Variants in NUPR1 observed in about 807,000 individuals in gnomAD.
NUPR1 encodes the protein nuclear protein 1, transcriptional regulator.
Under a neutral mutation model 7.3 loss-of-function variants are expected in NUPR1, and 8 were observed. The ratio of observed to expected loss-of-function variants is 1.09; its 90% confidence interval spans 0.64 to 1.97. NUPR1 has a LOEUF of 1.97. Ranked by LOEUF, NUPR1 falls within the 30% of genes most tolerant of loss-of-function variation. The pLI, the probability that NUPR1 is intolerant of heterozygous loss-of-function variation, is 0.00. For missense variants in NUPR1, 96 were observed against 111.7 expected (o/e 0.86, Z 0.63); for synonymous variants, 39 against 44.5 (o/e 0.88, Z 0.49).
At chr16:28,537,710 T>G in intron 2 of NUPR1, 41 bp from the exon 3 acceptor site, 1 of 318,562 alleles carries the variant, frequency 3.1e-6, no homozygotes, top group Non-Finnish European at 5.9e-6. Flanking sequence ...GGGACAGAGA[T>G]CTGGGTTCTA....
chr16:28,535,584 C>CTTTCT lies in NUPR1; in HGVS notation c.*2094_*2098dup, dbSNP rs1567277552. On this transcript the variant is annotated 3_prime_UTR_variant, in exon 3 of 3. Transcript: ENST00000324873. ...CTTTCCTTCCTTCCTTTCTTTCTTT[C>CTTTCT]TTTCTTTCTTTCTTTCTTTCTTTCT... 5.6e-5 allele frequency: 2 copies of CTTTCT among 35,908 alleles called. No homozygotes were observed. Among genetic ancestry groups the CTTTCT allele is most frequent in the African/African-American group, 3.2e-4 (2 of 6,326 alleles). The allele number at this position is 35,908 out of a possible 1,614,324, so 2.2% of individuals were successfully genotyped here. A position where few individuals can be genotyped will look rare whatever the true frequency, so the allele number is the denominator to read the frequency against.
Position 28,534,360 on chromosome 16 carries a change from C to G in NUPR1, c.*3323G>C, listed in dbSNP as rs888797255. On this transcript the variant is annotated 3_prime_UTR_variant, in exon 3 of 3. Coordinates refer to ENST00000324873, the MANE Select transcript of NUPR1 (RefSeq NM_012385.3). ...AGGGTTCAAGCTGGTCGTAGTCTGACGTGCATCTGTTCCTGCTCTATCAGG... is the reference window on the plus strand; with the variant it reads ...AGGGTTCAAGCTGGTCGTAGTCTGAGGTGCATCTGTTCCTGCTCTATCAGG... The G allele has an allele frequency of 6.6e-6, 1 of 152,226 alleles. No individual in the cohort carries two copies. Among genetic ancestry groups the G allele is most frequent in the African/African-American group, 2.4e-5 (1 of 41,406 alleles). 9.4% of individuals were successfully genotyped at this position (152,226 alleles called of 1,614,324 possible). A position where few individuals can be genotyped will look rare whatever the true frequency, so the allele number is the denominator to read the frequency against.
chr16:28,537,770 C>T (rs2046634168), intron 2 of NUPR1, 101 bp from the exon 3 acceptor site: 1 of 476,376 alleles, frequency 2.1e-6, no homozygotes. Context: ...AAGGACCCAC[C>T]CTCTCTATCC....
intron 2 of NUPR1, 83 bp from the exon 3 acceptor site, chr16:28,537,752 C>G: frequency 2.3e-6 from 1 of 432,318 alleles, no homozygotes; most frequent in Non-Finnish European, 4.2e-6. Flanking sequence ...TGATTTGTGA[C>G]TCCAGGGAAG....
chr16:28,533,949 A>C lies in NUPR1; in HGVS notation c.*3734T>G, dbSNP rs1449427353. ...GGAGTTTGAGACCAGCCTGGGCAAC[A>C]TGGTGAAACCCCGTCTCTACTAAAA... On this transcript the variant is annotated 3_prime_UTR_variant, in exon 3 of 3. Transcript: ENST00000324873. 6.6e-6 allele frequency: 1 copy of C among 152,158 alleles called. No homozygotes were observed. The highest frequency in any genetic ancestry group is 6.6e-5 in the Admixed American group (1 of 15,252). 9.4% of individuals were successfully genotyped at this position (152,158 alleles called of 1,614,324 possible).
rs1487422180 is a variant in NUPR1 at position 28,535,540 on chromosome 16, T to TTTCTTTCTTTCCTTCC, written c.*2142_*2143insGGAAGGAAAGAAAGAA. 6.1e-5 allele frequency: 4 copies of TTTCTTTCTTTCCTTCC among 65,052 alleles called. No individual in the cohort carries two copies. Among genetic ancestry groups the TTTCTTTCTTTCCTTCC allele is most frequent in the East Asian group, 5.3e-4 (1 of 1,886 alleles). 4.0% of individuals were successfully genotyped at this position (65,052 alleles called of 1,614,324 possible). On this transcript the variant is annotated 3_prime_UTR_variant, in exon 3 of 3. Transcript: ENST00000324873. ...CTTTCTTTCTTTCTTTCTTTCTTTC[T>TTTCTTTCTTTCCTTCC]TTCCTTCTTTCTTTCTTTCTTTCCT...
intron 1 of NUPR1, 154 bp downstream of exon 1, chr16:28,538,642 A>G: frequency 1.4e-6 from 1 of 723,604 alleles, no homozygotes; most frequent in Non-Finnish European, 2.5e-6. Context: ...TGATCACACT[A>G]CTGCACTCCA....
rs1176071090 is a variant in NUPR1, at chr16:28,537,412, A to C, written c.*271T>G. 6.6e-6 allele frequency: 1 copy of C among 152,286 alleles called. No individual in the cohort carries two copies. The highest frequency in any genetic ancestry group is 1.5e-5 in the Non-Finnish European group (1 of 68,076). 9.4% of individuals were successfully genotyped at this position (152,286 alleles called of 1,614,324 possible). A position where few individuals can be genotyped will look rare whatever the true frequency, so the allele number is the denominator to read the frequency against. On this transcript the variant is annotated 3_prime_UTR_variant, in exon 3 of 3. Coordinates refer to ENST00000324873, the MANE Select transcript of NUPR1 (RefSeq NM_012385.3). The stretch of plus-strand genomic sequence containing the variant: ...TTTATTGTTGCTGCCACCCTGGAGG[A>C]GCCCCAGTTTCTTCTGTAGCTTTCT...
chr16:28,532,772 G>GA lies in NUPR1; in HGVS notation c.*4910dup, dbSNP rs1401485666. 1.3e-5 allele frequency: 2 copies of GA among 152,142 alleles called. No individual in the cohort carries two copies. The highest frequency in any genetic ancestry group is 4.8e-5 in the African/African-American group (2 of 41,432). 9.4% of individuals were successfully genotyped at this position (152,142 alleles called of 1,614,324 possible). On this transcript the variant is annotated 3_prime_UTR_variant, in exon 3 of 3. Coordinates refer to ENST00000324873, the MANE Select transcript of NUPR1 (RefSeq NM_012385.3). Reference sequence around the variant, plus strand: ...TCTTCCCAGGCATGTAGCAAAGGGGGAAAAATCCAGGCTTTAAAATTCAGA... The same window carrying GA: ...TCTTCCCAGGCATGTAGCAAAGGGGGAAAAAATCCAGGCTTTAAAATTCAGA...
rs1054117334 is a variant in NUPR1, at chr16:28,537,092, A to G, written c.*591T>C. ...GGGAGGGCCGTGTTTCATGGGCAGTATCGCAAAAAAGCAGAAGAAATTCCT... is the reference window on the plus strand; with the variant it reads ...GGGAGGGCCGTGTTTCATGGGCAGTGTCGCAAAAAAGCAGAAGAAATTCCT... On this transcript the variant is annotated 3_prime_UTR_variant, in exon 3 of 3. Transcript: ENST00000324873. 1 of 152,258 alleles carries G rather than the reference A, an allele frequency of 6.6e-6. No individual in the cohort carries two copies. Among genetic ancestry groups the G allele is most frequent in the African/African-American group, 2.4e-5 (1 of 41,462 alleles). 9.4% of individuals were successfully genotyped at this position (152,258 alleles called of 1,614,324 possible). A position where few individuals can be genotyped will look rare whatever the true frequency, so the allele number is the denominator to read the frequency against.
Position 28,537,905 on chromosome 16 carries a change from C to T in NUPR1, c.*13+101G>A, listed in dbSNP as rs1596587452. 4.3e-6 allele frequency: 4 copies of T among 922,530 alleles called. No individual in the cohort carries two copies. In the East Asian group the frequency reaches 9.7e-5, roughly 22 times the overall value. The allele number at this position is 922,530 out of a possible 1,614,324, so 57.1% of individuals were successfully genotyped here. Reference sequence around the variant, plus strand: ...CTCGTTTTATTCTGCATCAAGACAACAGTTGCCTGATCCCTCCTCCCCACC... The same window carrying T: ...CTCGTTTTATTCTGCATCAAGACAATAGTTGCCTGATCCCTCCTCCCCACC... On this transcript the variant is annotated intron_variant, in intron 2 of 2. Transcript: ENST00000324873.
rs1429259826 is a variant in NUPR1, at chr16:28,535,584, C to CTTTTCT, written c.*2098_*2099insAGAAAA. ...CTTTCCTTCCTTCCTTTCTTTCTTTCTTTCTTTCTTTCTTTCTTTCTTTCT... is the reference window on the plus strand; with the variant it reads ...CTTTCCTTCCTTCCTTTCTTTCTTTCTTTTCTTTTCTTTCTTTCTTTCTTTCTTTCT... On this transcript the variant is annotated 3_prime_UTR_variant, in exon 3 of 3. Coordinates refer to ENST00000324873, the MANE Select transcript of NUPR1 (RefSeq NM_012385.3). 2.8e-5 allele frequency: 1 copy of CTTTTCT among 35,908 alleles called. No individual in the cohort carries two copies. Among genetic ancestry groups the CTTTTCT allele is most frequent in the African/African-American group, 1.6e-4 (1 of 6,326 alleles). 2.2% of individuals were successfully genotyped at this position (35,908 alleles called of 1,614,324 possible). A position where few individuals can be genotyped will look rare whatever the true frequency, so the allele number is the denominator to read the frequency against.
rs768570077 is a variant in NUPR1 at position 28,537,588 on chromosome 16, C to T, written c.*95G>A. On this transcript the variant is annotated 3_prime_UTR_variant, in exon 3 of 3. Coordinates refer to ENST00000324873, the MANE Select transcript of NUPR1 (RefSeq NM_012385.3). The stretch of plus-strand genomic sequence containing the variant: ...CCTAGGGGTGGGGGGTGTGGCAAGC[C>T]GGCCTGGATCCTGTCCTGGGTCCTC... 3.6e-4 allele frequency: 56 copies of T among 156,692 alleles called. No homozygotes were observed. The Middle Eastern group carries it at 9.8e-3, about 27-fold the overall frequency. 9.7% of individuals were successfully genotyped at this position (156,692 alleles called of 1,614,324 possible). A position where few individuals can be genotyped will look rare whatever the true frequency, so the allele number is the denominator to read the frequency against.
rs773214033 is a variant in NUPR1, at chr16:28,538,700, G to A, written c.112+96C>T. ...CTCAAAAAAAAAGAAAGAAAGAAAC[G>A]AAGAGGAAAGGAAAGGAAATGAGAG... is the stretch of plus-strand genomic sequence containing the variant. On this transcript the variant is annotated intron_variant, in intron 1 of 2. Coordinates refer to ENST00000324873, the MANE Select transcript of NUPR1 (RefSeq NM_012385.3). The A allele has an allele frequency of 3.5e-5, 35 of 992,080 alleles. No homozygotes were observed. In the East Asian group the frequency reaches 7.4e-4, roughly 21 times the overall value. 61.5% of individuals were successfully genotyped at this position (992,080 alleles called of 1,614,324 possible). A position where few individuals can be genotyped will look rare whatever the true frequency, so the allele number is the denominator to read the frequency against.
Position 28,538,473 on chromosome 16 carries a change from T to C in NUPR1, c.113-318A>G, listed in dbSNP as rs893452365. The C allele has an allele frequency of 2.1e-5, 12 of 567,598 alleles. No homozygotes were observed. In the African/African-American group the frequency reaches 2.3e-4, roughly 11 times the overall value. 35.2% of individuals were successfully genotyped at this position (567,598 alleles called of 1,614,324 possible). ...GGGAGGCCAAGGCAGGAGAATTGCTTGAGCCCAGGAATTTGGGATCAGCCT... is the reference window on the plus strand; with the variant it reads ...GGGAGGCCAAGGCAGGAGAATTGCTCGAGCCCAGGAATTTGGGATCAGCCT... On this transcript the variant is annotated intron_variant, in intron 1 of 2. Coordinates refer to ENST00000324873, the MANE Select transcript of NUPR1 (RefSeq NM_012385.3).
Position 28,535,511 on chromosome 16 carries a change from C to CTTTCTTTCTTTCT in NUPR1, c.*2159_*2171dup, listed in dbSNP as rs1567277251. ...TGTGCCGGGGCTCGCTCTTTTCTTT[C>CTTTCTTTCTTTCT]TTTCTTTCTTTCTTTCTTTCTTTCT... is the stretch of plus-strand genomic sequence containing the variant. On this transcript the variant is annotated 3_prime_UTR_variant, in exon 3 of 3. Coordinates refer to ENST00000324873, the MANE Select transcript of NUPR1 (RefSeq NM_012385.3). 1.5e-5 allele frequency: 1 copy of CTTTCTTTCTTTCT among 64,616 alleles called. No homozygotes were observed. Among genetic ancestry groups the CTTTCTTTCTTTCT allele is most frequent in the Non-Finnish European group, 3.2e-5 (1 of 31,206 alleles). 4.0% of individuals were successfully genotyped at this position (64,616 alleles called of 1,614,324 possible).
At position 28,537,917 on chromosome 16, in the gene NUPR1, C is replaced by T. The variant is rs2046635200; in HGVS notation, c.*13+89G>A. On this transcript the variant is annotated intron_variant, in intron 2 of 2. Transcript: ENST00000324873. The stretch of plus-strand genomic sequence containing the variant: ...TGCATCAAGACAACAGTTGCCTGAT[C>T]CCTCCTCCCCACCCAATCACACACC... 9 of 1,063,206 alleles carry T rather than the reference C, an allele frequency of 8.5e-6. 1 individual carries two copies. The highest frequency in any genetic ancestry group is 7.7e-5 in the South Asian group (5 of 64,754). The allele number at this position is 1,063,206 out of a possible 1,614,324, so 65.9% of individuals were successfully genotyped here.
Position 28,537,618 on chromosome 16 carries a change from C to A in NUPR1, c.*65G>T. ...TGGATCCTGTCCTGGGTCCTCCTTC[C>A]TCCGCAGTCCCGTCTCTATTGCTGG... On this transcript the variant is annotated 3_prime_UTR_variant, in exon 3 of 3. Transcript: ENST00000324873. 1 of 164,166 alleles carries A rather than the reference C, an allele frequency of 6.1e-6. No homozygotes were observed. Among genetic ancestry groups the A allele is most frequent in the South Asian group, 1.6e-4 (1 of 6,120 alleles). The allele number at this position is 164,166 out of a possible 1,614,324, so 10.2% of individuals were successfully genotyped here.
At position 28,534,313 on chromosome 16, in the gene NUPR1, A is replaced by G. The variant is rs1309597719; in HGVS notation, c.*3370T>C. The G allele has an allele frequency of 6.6e-6, 1 of 152,164 alleles. No homozygotes were observed. Among genetic ancestry groups the G allele is most frequent in the Admixed American group, 6.6e-5 (1 of 15,244 alleles). 9.4% of individuals were successfully genotyped at this position (152,164 alleles called of 1,614,324 possible). A position where few individuals can be genotyped will look rare whatever the true frequency, so the allele number is the denominator to read the frequency against. On this transcript the variant is annotated 3_prime_UTR_variant, in exon 3 of 3. Transcript: ENST00000324873. ...CTGTGATTAGGCTGGACTCAAGGGA[A>G]GGGGATGGATACAGGTCCCCAAGGG...
Sources: allele counts gnomAD v4.1 joint callset, GRCh38; gene constraint gnomAD v4.1.1; transcripts MANE v1.5; gene names NCBI Gene and HGNC (gene_info 2026-07-23, HGNC 2026-07-21).